Variants in VAV2 observed in about 807,000 individuals in gnomAD.
VAV2 encodes the protein guanine nucleotide exchange factor VAV2.
A neutral mutation model predicts 132.5 loss-of-function variants in VAV2; 67 were observed. The observed-to-expected ratio is 0.51, with a 90% CI of 0.42 to 0.62. The LOEUF is 0.62. Among genes scored for constraint, VAV2 ranks in the 20% least tolerant of loss-of-function variants. The pLI, the probability that VAV2 is intolerant of heterozygous loss-of-function variation, is 0.00. For missense variants in VAV2, 938 were observed against 1,153.6 expected, an observed-to-expected ratio of 0.81 and a Z score of 2.71; for synonymous variants, 492 against 443.5, an observed-to-expected ratio of 1.11 and a Z score of -1.37.
At position 133,791,838 on chromosome 9, in the gene VAV2, C is replaced by T. The variant is rs752765700; in HGVS notation, c.1133G>A (p.Arg378Gln). The change falls in exon 13 of 30, where the codon CGG becomes CAG. Residue 378 changes from arginine to glutamine, a missense_variant. By Grantham distance (43) the Arg-to-Gln change is conservative. Coordinates refer to ENST00000371850, the MANE Select transcript of VAV2 (RefSeq NM_001134398.2). The part of the protein sequence containing the change: ...DLAMYINEVK[R>Q]DKETLRKISE... Reference sequence around the variant, plus strand: ...GATTTTCCTCAAGGTCTCCTTGTCCCGTTTAACTTCATTGATGTACATCGC... The same window carrying T: ...GATTTTCCTCAAGGTCTCCTTGTCCTGTTTAACTTCATTGATGTACATCGC... The T allele has an allele frequency of 6.2e-7, 1 of 1,613,112 alleles. No homozygotes were observed. The highest frequency in any genetic ancestry group is 1.3e-5 in the African/African-American group (1 of 74,774).
intron 1 of VAV2, among the ~76,000 whole-genome samples, chr9:133,943,891 G>A (rs1841264934): frequency 6.6e-6 from 1 of 152,240 alleles, no homozygotes; most frequent in African/African-American, 2.4e-5. Context: ...GATTAGTGTG[G>A]TGACACAGGC....
intron 2 of VAV2, among the ~76,000 whole-genome samples, chr9:133,905,061 G>C (rs549758969): frequency 1.3e-5 from 2 of 152,070 alleles, no homozygotes; most frequent in African/African-American, 4.8e-5. Flanking sequence ...CTCCCAGGGC[G>C]GGGGGCTCTG....
At chr9:133,896,823 A>G (rs1186840399) in intron 2 of VAV2, among the ~76,000 whole-genome samples, 1 of 152,170 alleles carries the variant, frequency 6.6e-6, no homozygotes, top group Non-Finnish European at 1.5e-5. Flanking sequence ...AGGCGGGTAC[A>G]GTGGCTCACG....
chr9:133,985,860 T>C (rs2132306561), intron 1 of VAV2, among the ~76,000 whole-genome samples: 1 of 152,072 alleles, frequency 6.6e-6, no homozygotes, highest in African/African-American at 2.4e-5. Context: ...ATATAAATAA[T>C]GATGGTAACA....
rs151014547 is a variant in VAV2 at position 133,895,029 on chromosome 9, C to T, written c.322-33597G>A. On this transcript the variant is annotated intron_variant, in intron 2 of 29. Transcript: ENST00000371850. ...GATGTTCTGAAGATCGCGTGGGGGG[C>T]GTCCGGAGATGGTGTGGGAGAGGGC... Among the ~76,000 whole-genome samples, 400 of 151,862 alleles carry T rather than the reference C, an allele frequency of 2.6e-3. 2 individuals carry two copies. Among genetic ancestry groups the T allele is most frequent in the African/African-American group, 9.4e-3 (389 of 41,374 alleles).
At chr9:133,990,944 C>A (rs952839733) in intron 1 of VAV2, among the ~76,000 whole-genome samples, 1 of 152,162 alleles carries the variant, frequency 6.6e-6, no homozygotes, top group African/African-American at 2.4e-5. Flanking sequence ...CGCCCCCCAA[C>A]CCGGCAGAGA....
chr9:133,796,983 G>A (rs1834743949), intron 10 of VAV2, among the ~76,000 whole-genome samples: 1 of 152,190 alleles, frequency 6.6e-6, no homozygotes, highest in East Asian at 1.9e-4. Context: ...CAGGAACCAG[G>A]GCATTCCCCC....
rs1356758311 is a variant in VAV2 at position 133,919,514 on chromosome 9, C to T, written c.321+19589G>A. 6.6e-6 allele frequency among the ~76,000 whole-genome samples: 1 copy of T among 152,170 alleles called. No individual in the cohort carries two copies. Among genetic ancestry groups the T allele is most frequent in the Non-Finnish European group, 1.5e-5 (1 of 68,036 alleles). ...GACTCACTGTCCCCCGGGGCCAGGT[C>T]GGCTGGCAATTTCTAGGCTGTTCTA... On this transcript the variant is annotated intron_variant, in intron 2 of 29. Transcript: ENST00000371850. This position sits in a 1 kb window ranked among gnomAD's most constrained non-coding sequence, Gnocchi z 5.8.
rs564952206 is a variant in VAV2, at chr9:133,763,234, C to T, written c.*828G>A. On this transcript the variant is annotated 3_prime_UTR_variant, in exon 30 of 30. Transcript: ENST00000371850. The surrounding 1 kb of genome is among the most constrained non-coding windows in gnomAD (Gnocchi z 6.8). The stretch of plus-strand genomic sequence containing the variant: ...TCCCTGTTTTCTTCCCTGCCCATTT[C>T]AGGGTTTTTACAAAAGATGTACTGA... 2 of 152,366 alleles carry T rather than the reference C, an allele frequency of 1.3e-5. No homozygotes were observed. Among genetic ancestry groups the T allele is most frequent in the East Asian group, 3.9e-4 (2 of 5,170 alleles). 9.4% of individuals were successfully genotyped at this position (152,366 alleles called of 1,614,324 possible). A position where few individuals can be genotyped will look rare whatever the true frequency, so the allele number is the denominator to read the frequency against.
intron 1 of VAV2, among the ~76,000 whole-genome samples, chr9:133,946,384 G>A (rs1212783878): frequency 6.6e-6 from 1 of 152,228 alleles, no homozygotes; most frequent in Non-Finnish European, 1.5e-5. Flanking sequence ...CCACAGCCCT[G>A]AAAGCAACAG....
intron 3 of VAV2, among the ~76,000 whole-genome samples, chr9:133,841,131 G>T (rs1192147421): frequency 6.6e-6 from 1 of 152,098 alleles, no homozygotes; most frequent in African/African-American, 2.4e-5. Flanking sequence ...GGTTCTAGGG[G>T]ACGAGCCCGG....
intron 4 of VAV2, among the ~76,000 whole-genome samples, chr9:133,828,656 C>T (rs1836144536): frequency 6.6e-6 from 1 of 152,240 alleles, no homozygotes; most frequent in Admixed American, 6.5e-5. Context: ...TCGACGTGGG[C>T]CCTGTGCCTT....
At position 133,826,273 on chromosome 9, in the gene VAV2, G is replaced by A. The variant is rs555608830; in HGVS notation, c.449+7999C>T. On this transcript the variant is annotated intron_variant, in intron 4 of 29. Coordinates refer to ENST00000371850, the MANE Select transcript of VAV2 (RefSeq NM_001134398.2). The surrounding 1 kb of genome is among the most constrained non-coding windows in gnomAD (Gnocchi z 4.2). ...AAAGGCCAGCTAGACCTTGGGCCCT[G>A]GTGACCCGCCACACTAAAGCAGCCA... 6.6e-6 allele frequency among the ~76,000 whole-genome samples: 1 copy of A among 152,292 alleles called. No homozygotes were observed. Among genetic ancestry groups the A allele is most frequent in the Admixed American group, 6.5e-5 (1 of 15,304 alleles).
At chr9:133,932,709 G>A (rs2789844) in intron 2 of VAV2, among the ~76,000 whole-genome samples, 1 of 152,104 alleles carries the variant, frequency 6.6e-6, no homozygotes, top group Non-Finnish European at 1.5e-5. Context: ...CAGGTCTGAC[G>A]GAAGCTTTGC....
At chr9:133,962,534 G>A (rs1841999112) in intron 1 of VAV2, among the ~76,000 whole-genome samples, 3 of 152,058 alleles carry the variant, frequency 2.0e-5, no homozygotes, top group Admixed American at 2.0e-4. Context: ...GGGCTGCTGC[G>A]GGGGTCCTGC....
rs368199265 is a variant in VAV2 at position 133,780,753 on chromosome 9, C to T, written c.1724-43G>A. ...CAGGTGTTAGAGGGGAGGCCACCGACGCCAAGGCCCCGTGCAGCTCTCACT... is the reference window on the plus strand; with the variant it reads ...CAGGTGTTAGAGGGGAGGCCACCGATGCCAAGGCCCCGTGCAGCTCTCACT... On this transcript the variant is annotated intron_variant, in intron 19 of 29. Transcript: ENST00000371850. The T allele has an allele frequency of 1.1e-4, 137 of 1,261,992 alleles. No individual in the cohort carries two copies. The African/African-American group carries it at 1.7e-3, about 16-fold the overall frequency. The allele number at this position is 1,261,992 out of a possible 1,614,324, so 78.2% of individuals were successfully genotyped here.
intron 8 of VAV2, among the ~76,000 whole-genome samples, chr9:133,806,673 G>A (rs78297146): frequency 0.013 from 2,039 of 152,338 alleles, 33 homozygotes; most frequent in African/African-American, 0.047. Context: ...CCAGGGCAGC[G>A]TGACCAGAGC....
intron 2 of VAV2, among the ~76,000 whole-genome samples, chr9:133,892,858 A>G (rs1172725252): frequency 1.3e-5 from 2 of 152,164 alleles, no homozygotes; most frequent in African/African-American, 2.4e-5. Context: ...AAAGCATTCC[A>G]GGTTCTTGTA....
chr9:133,887,002 G>GC (rs1014519368), intron 2 of VAV2, among the ~76,000 whole-genome samples: 21 of 152,240 alleles, frequency 1.4e-4, no homozygotes, highest in Non-Finnish European at 2.4e-4. Context: ...CAGGTGCCAA[G>GC]CCCCCCCTCC....
Sources: allele counts gnomAD v4.1 joint callset (sites outside exome capture counted in the v4.1 genomes callset), GRCh38; gene constraint gnomAD v4.1.1; non-coding constraint Gnocchi (gnomAD v3.1); transcripts MANE v1.5; gene names NCBI Gene and HGNC (gene_info 2026-07-23, HGNC 2026-07-21).